CPEB2: variants seen among roughly 807,000 people sequenced by gnomAD.
CPEB2 encodes the protein cytoplasmic polyadenylation element-binding protein 2.
A neutral mutation model predicts 93.6 loss-of-function variants in CPEB2; 56 were observed. The ratio of observed to expected loss-of-function variants is 0.60; its 90% CI spans 0.48 to 0.75. CPEB2 has a LOEUF of 0.75. CPEB2 is among the 30% of genes least tolerant of loss of function. The probability of loss-of-function intolerance (pLI) is 0.00; values close to 1 mark genes in which losing one functional copy is unlikely to be tolerated. For missense variants in CPEB2, 1,579 were observed against 1,395.1 expected (o/e 1.13, Z -2.10); for synonymous variants, 764 against 586.3 (o/e 1.30, Z -4.38).
chr4:15,002,526 G>A lies in CPEB2; in HGVS notation c.-148G>A. On this transcript the variant is annotated 5_prime_UTR_variant, in exon 1 of 12. Transcript: ENST00000538197. ...GATCGCCGCGAGGGGTGGTGGGGCC[G>A]AAGTCGGTGCCCCCTGGCTCAGTCA... 1.8e-6 allele frequency: 1 copy of A among 570,856 alleles called. No individual in the cohort carries two copies. Among genetic ancestry groups the A allele is most frequent in the Non-Finnish European group, 2.8e-6 (1 of 359,652 alleles). The allele number at this position is 570,856 out of a possible 1,614,324, so 35.4% of individuals were successfully genotyped here.
intron 4 of CPEB2, among the ~76,000 whole-genome samples, chr4:15,030,823 G>A (rs1238499712): frequency 6.6e-6 from 1 of 151,998 alleles, no homozygotes; most frequent in African/African-American, 2.4e-5. Context: ...TCCACAAAAA[G>A]TGTGCCTTTT....
At position 15,017,283 on chromosome 4, in the gene CPEB2, GTGACTTTTT is replaced by G; in HGVS notation, c.2125+6_2125+14del. ...CAGAGCATGATCCTCTTAAGGGTAG[GTGACTTTTT>G]AAAAAAATATATGTTTATATTATAC... is the stretch of plus-strand genomic sequence containing the variant. On this transcript the variant is annotated splice_donor_region_variant and intron_variant, in intron 4 of 11. Transcript: ENST00000538197. 6.5e-7 allele frequency: 1 copy of G among 1,527,566 alleles called. No individual in the cohort carries two copies. Among genetic ancestry groups the G allele is most frequent in the Admixed American group, 1.9e-5 (1 of 53,888 alleles). The allele number at this position is 1,527,566 out of a possible 1,614,324, so 94.6% of individuals were successfully genotyped here.
In CPEB2 at chr4:15,007,298, TC is replaced by T. The variant is rs1312734220; in HGVS notation, c.1663-4del. 2 of 1,442,418 alleles carry T rather than the reference TC, an allele frequency of 1.4e-6. No individual in the cohort carries two copies. The highest frequency in any genetic ancestry group is 1.8e-6 in the Non-Finnish European group (2 of 1,089,800). 89.4% of individuals were successfully genotyped at this position (1,442,418 alleles called of 1,614,324 possible). A position where few individuals can be genotyped will look rare whatever the true frequency, so the allele number is the denominator to read the frequency against. On this transcript the variant is annotated splice_region_variant and splice_polypyrimidine_tract_variant and intron_variant, in intron 1 of 11. Transcript: ENST00000538197. ...TGCCGCAATTTAAATAGCTATGTTT[TC>T]CCTAGCCTCTTCTGAAACAGTCTCC... is the stretch of plus-strand genomic sequence containing the variant.
In CPEB2 at chr4:15,002,777, C is replaced by T. The variant is rs1722125641; in HGVS notation, c.104C>T (p.Ser35Phe). Residue 35 changes from serine to phenylalanine, a missense_variant, in exon 1 of 12, where the codon TCC (serine) becomes TTC (phenylalanine). Around this residue, in one of 2 missense-constraint regions of CPEB2, gnomAD observed 1,411 missense variants for 1,056.0 expected, o/e 1.34. Transcript: ENST00000538197. ...GEAYGPYAVGSVNPLPSATPF... is the reference protein window; with the variant it reads ...GEAYGPYAVGFVNPLPSATPF... ...GCGTATGGTCCTTACGCCGTGGGGT[C>T]CGTCAACCCGCTGCCCTCCGCCACG... 6 of 1,535,578 alleles carry T rather than the reference C, an allele frequency of 3.9e-6. No homozygotes were observed. Among genetic ancestry groups the T allele is most frequent in the Non-Finnish European group, 5.2e-6 (6 of 1,146,678 alleles).
At chr4:15,045,600 C>T (rs1024651001) in intron 6 of CPEB2, among the ~76,000 whole-genome samples, 6 of 151,804 alleles carry the variant, frequency 4.0e-5, no homozygotes, top group Non-Finnish European at 7.4e-5. Context: ...AGCAGAAGAC[C>T]ATAAGCAAAA....
intron 3 of CPEB2, 27 bp from the exon 4 acceptor site, chr4:15,017,158 TATA>T (rs748608285): frequency 1.1e-4 from 145 of 1,269,010 alleles, no homozygotes; most frequent in Non-Finnish European, 1.6e-4. Context: ...CTGCATAGAT[TATA>T]ATGTCTTTTT....
At chr4:15,008,532 A>G (rs1475460390) in intron 3 of CPEB2, 105 bp downstream of exon 3, 1 of 622,694 alleles carries the variant, frequency 1.6e-6, no homozygotes, top group Non-Finnish European at 2.6e-6. Flanking sequence ...ATTGAAACAT[A>G]TGTTAGAGGA....
rs1729830639 is a variant in CPEB2 at position 15,068,089 on chromosome 4, G to GT, written c.*1715dup. On this transcript the variant is annotated 3_prime_UTR_variant, in exon 12 of 12. Coordinates refer to ENST00000538197, the MANE Select transcript of CPEB2 (RefSeq NM_001177382.2). Reference sequence around the variant, plus strand: ...AGCAAAGCACCCAACAATGGTAAATGTTTTTTAAAAATGCAGAACTAAGAT... The same window carrying GT: ...AGCAAAGCACCCAACAATGGTAAATGTTTTTTTAAAAATGCAGAACTAAGAT... The GT allele has an allele frequency of 6.6e-6, 1 of 152,282 alleles. No individual in the cohort carries two copies. Among genetic ancestry groups the GT allele is most frequent in the South Asian group, 2.1e-4 (1 of 4,828 alleles). The allele number at this position is 152,282 out of a possible 1,614,324, so 9.4% of individuals were successfully genotyped here.
At position 15,068,663 on chromosome 4, in the gene CPEB2, G is replaced by T. The variant is rs939098789; in HGVS notation, c.*2283G>T. 6 of 152,126 alleles carry T rather than the reference G, an allele frequency of 3.9e-5. No individual in the cohort carries two copies. In the East Asian group the frequency reaches 9.7e-4, roughly 25 times the overall value. 9.4% of individuals were successfully genotyped at this position (152,126 alleles called of 1,614,324 possible). A position where few individuals can be genotyped will look rare whatever the true frequency, so the allele number is the denominator to read the frequency against. On this transcript the variant is annotated 3_prime_UTR_variant, in exon 12 of 12. Transcript: ENST00000538197. ...TAATTTCTGCTTAATGTTTAAAATTGAAGAGCCTTTTCATGTATTAAATAA... is the reference window on the plus strand; with the variant it reads ...TAATTTCTGCTTAATGTTTAAAATTTAAGAGCCTTTTCATGTATTAAATAA...
At chr4:15,058,576 C>A in intron 9 of CPEB2, 37 bp downstream of exon 9, 2 of 1,136,212 alleles carry the variant, frequency 1.8e-6, no homozygotes, top group Non-Finnish European at 2.6e-6. Flanking sequence ...GCTACAAATG[C>A]AAATTTTTCA....
intron 6 of CPEB2, among the ~76,000 whole-genome samples, chr4:15,045,401 A>C (rs933443741): frequency 7.2e-5 from 11 of 152,146 alleles, no homozygotes; most frequent in African/African-American, 2.7e-4. Context: ...ACACATATTC[A>C]TACATATTAT....
intron 5 of CPEB2, among the ~76,000 whole-genome samples, chr4:15,039,415 C>G (rs983670702): frequency 5.9e-5 from 9 of 152,160 alleles, no homozygotes; most frequent in African/African-American, 2.2e-4. Flanking sequence ...ACATTTCTGG[C>G]AACTTTCAGC....
In CPEB2 at chr4:15,017,202, G is replaced by A. The variant is rs753878056; in HGVS notation, c.2049G>A (p.Met683Ile). ...TSRIDQDRSRMYDSLNMHSLE... is the reference protein window; with the variant it reads ...TSRIDQDRSRIYDSLNMHSLE... ...TTCTCTTCCAGGATCGAAGTAGAAT[G>A]TATGACAGTTTGAATATGCACTCTT... Residue 683 changes from methionine to isoleucine, a missense_variant, in exon 4 of 12, where the codon ATG becomes ATA. By Grantham distance (10) the Met-to-Ile change is conservative. Transcript: ENST00000538197. The A allele has an allele frequency of 3.2e-6, 5 of 1,586,968 alleles. No individual in the cohort carries two copies. Among genetic ancestry groups the A allele is most frequent in the Admixed American group, 1.7e-5 (1 of 59,578 alleles).
intron 4 of CPEB2, among the ~76,000 whole-genome samples, chr4:15,032,183 A>C (rs1323469450): frequency 6.6e-6 from 1 of 152,142 alleles, no homozygotes; most frequent in Non-Finnish European, 1.5e-5. Context: ...CTACATGCTC[A>C]AACTCCTGGG....
intron 8 of CPEB2, among the ~76,000 whole-genome samples, chr4:15,056,011 C>T (rs1728683780): frequency 6.6e-6 from 1 of 152,206 alleles, no homozygotes; most frequent in African/African-American, 2.4e-5. Context: ...GCACTCATCA[C>T]AGTTGCAGTA....
intron 6 of CPEB2, among the ~76,000 whole-genome samples, chr4:15,043,827 T>C (rs1240939720): frequency 6.6e-6 from 1 of 151,970 alleles, no homozygotes; most frequent in African/African-American, 2.4e-5. Context: ...GATGAGAAGA[T>C]AGGAGAAATA....
Position 15,059,268 on chromosome 4 carries a change from T to C in CPEB2, c.2662T>C (p.Phe888Leu). The change falls in exon 10 of 12, where the codon TTT becomes CTT. Residue 888 changes from phenylalanine to leucine, a missense_variant. Physicochemically the swap from Phe to Leu is conservative, Grantham distance 22. Transcript: ENST00000538197. ...SQPLDPRKTI[F>L]VGGVPRPLRA... ...GCCTTTGGATCCCCGAAAAACAATT[T>C]TTGTTGGAGGTGTTCCTAGGCCATT... The C allele has an allele frequency of 6.2e-7, 1 of 1,613,290 alleles. No homozygotes were observed. Among genetic ancestry groups the C allele is most frequent in the Non-Finnish European group, 8.5e-7 (1 of 1,179,382 alleles).
At chr4:15,047,504 G>A (rs1217419352) in intron 6 of CPEB2, among the ~76,000 whole-genome samples, 1 of 151,984 alleles carries the variant, frequency 6.6e-6, no homozygotes, top group South Asian at 2.1e-4. Flanking sequence ...TCAGTATTTG[G>A]TGGGTTTGGA....
intron 3 of CPEB2, among the ~76,000 whole-genome samples, chr4:15,010,090 G>GA (rs1276161874): frequency 2.0e-5 from 3 of 152,160 alleles, no homozygotes; most frequent in African/African-American, 7.2e-5. Flanking sequence ...AGTGGTGGGG[G>GA]AAAAAAGAGA....
Sources: gnomAD v4.1 joint callset for allele counts (sites outside exome capture counted in the v4.1 genomes callset) on GRCh38, gnomAD v4.1.1 for gene constraint, gnomAD v4.1.1 regional missense constraint, MANE v1.5 for transcripts, NCBI Gene and HGNC (gene_info 2026-07-23, HGNC 2026-07-21) for gene names.